The following PEPD variants were observed in gnomAD, a reference collection of about 807,000 sequenced individuals.
The protein encoded by PEPD is peptidase D.
In PEPD, 53 loss-of-function variants were observed where a neutral mutation model predicts 60.7. The ratio of observed to expected loss-of-function variants is 0.87; its 90% confidence interval spans 0.70 to 1.10. PEPD has a LOEUF of 1.10. Ranked by LOEUF, PEPD falls within the 50% of genes least tolerant of loss-of-function variation. PEPD has a pLI of 0.00. For synonymous variants in PEPD, 267 were observed against 284.1 expected (o/e 0.94, Z 0.60); for missense variants, 711 against 711.9 (o/e 1.00, Z 0.01).
intron 9 of PEPD, among the ~76,000 whole-genome samples, chr19:33,442,023 G>GT (rs1176365094): frequency 2.0e-5 from 3 of 152,214 alleles, no homozygotes. Flanking sequence ...AGGGTTCAAA[G>GT]TTGGCCTCCC....
At chr19:33,513,720 A>G (rs1047765101) in intron 1 of PEPD, among the ~76,000 whole-genome samples, 1 of 152,154 alleles carries the variant, frequency 6.6e-6, no homozygotes, top group African/African-American at 2.4e-5. Flanking sequence ...CTCCCCAGCC[A>G]CAAGGGATCC....
chr19:33,389,788 G>A (rs900116197), intron 13 of PEPD, among the ~76,000 whole-genome samples: 1 of 152,268 alleles, frequency 6.6e-6, no homozygotes, highest in Non-Finnish European at 1.5e-5. Flanking sequence ...GATCCCCAGC[G>A]GGCACAGGGC....
chr19:33,437,763 G>C (rs867202319), intron 9 of PEPD, among the ~76,000 whole-genome samples: 2 of 152,204 alleles, frequency 1.3e-5, no homozygotes, highest in Non-Finnish European at 1.5e-5. Context: ...GGAGACTTGG[G>C]GGGGCGGTGG....
chr19:33,443,962 G>A lies in PEPD; in HGVS notation c.671+19033C>T, dbSNP rs147430235. The stretch of plus-strand genomic sequence containing the variant: ...ACCACATGCACTTGCATGCATACAA[G>A]TGCACGCGCGTGCGCGCGCACACAC... On this transcript the variant is annotated intron_variant, in intron 9 of 14. Transcript: ENST00000244137. Among the ~76,000 whole-genome samples the A allele has an allele frequency of 1.1e-4, 17 of 149,180 alleles. No individual in the cohort carries two copies. In the East Asian group the frequency reaches 3.2e-3, roughly 28 times the overall value.
chr19:33,517,872 C>T (rs192739855), intron 1 of PEPD, among the ~76,000 whole-genome samples: 1 of 151,108 alleles, frequency 6.6e-6, no homozygotes, highest in East Asian at 2.0e-4. Flanking sequence ...GAGGCTGAGG[C>T]AGGAGAACCA....
intron 9 of PEPD, among the ~76,000 whole-genome samples, chr19:33,423,637 A>T (rs1969082681): frequency 6.6e-6 from 1 of 152,188 alleles, no homozygotes; most frequent in Non-Finnish European, 1.5e-5. Context: ...TTCCTTTCTG[A>T]ATGGCTTGTT....
intron 7 of PEPD, among the ~76,000 whole-genome samples, chr19:33,476,390 C>G (rs1440061044): frequency 1.3e-5 from 2 of 152,204 alleles, no homozygotes; most frequent in African/African-American, 4.8e-5. Context: ...GCCCCGGTAT[C>G]TGGCCCTCCC....
Position 33,413,595 on chromosome 19 carries a change from G to A in PEPD, c.720C>T (p.Ser240=). 1 of 1,584,020 alleles carries A rather than the reference G, an allele frequency of 6.3e-7. No individual in the cohort carries two copies. Among genetic ancestry groups the A allele is most frequent in the Non-Finnish European group, 8.6e-7 (1 of 1,164,290 alleles). Residue 240 remains serine, a synonymous_variant, in exon 10 of 15, where the codon TCC becomes TCT. Transcript: ENST00000244137. ...CTTACCTGCCGCAGATGCAGGTGTA[G>A]GAGCTGTGGCGCATGCCGCCCCGGG... The part of the protein sequence containing the change: ...CYSRGGMRHS[S]YTCICGSGEN...
intron 3 of PEPD, among the ~76,000 whole-genome samples, chr19:33,502,431 C>T (rs543798675): frequency 3.3e-5 from 5 of 152,254 alleles, no homozygotes; most frequent in South Asian, 4.1e-4. Context: ...CTTTTTCATG[C>T]TGACTTCCTA....
chr19:33,482,459 T>A (rs981817883), intron 6 of PEPD, among the ~76,000 whole-genome samples: 1 of 152,214 alleles, frequency 6.6e-6, no homozygotes, highest in Non-Finnish European at 1.5e-5. Flanking sequence ...ATAAAGAGCA[T>A]CTACAAAAAA....
At chr19:33,477,920 G>A in intron 7 of PEPD, 126 bp downstream of exon 7, 1 of 741,618 alleles carries the variant, frequency 1.3e-6, no homozygotes, top group South Asian at 1.5e-5. Flanking sequence ...AAAGGCTATG[G>A]GAGAAGGTTC....
intron 4 of PEPD, among the ~76,000 whole-genome samples, chr19:33,494,180 C>CT (rs1372200729): frequency 1.3e-5 from 2 of 152,134 alleles, no homozygotes; most frequent in African/African-American, 4.8e-5. Context: ...ATCTTGGCTA[C>CT]TGCAGACCCT....
At chr19:33,402,346 A>C (rs1968516344) in intron 11 of PEPD, among the ~76,000 whole-genome samples, 4 of 152,210 alleles carry the variant, frequency 2.6e-5, no homozygotes, top group Admixed American at 2.6e-4. Flanking sequence ...GCTTGTGGGA[A>C]GCAGAGGAGG....
intron 5 of PEPD, among the ~76,000 whole-genome samples, chr19:33,491,490 G>A (rs1248718803): frequency 6.6e-6 from 1 of 152,176 alleles, no homozygotes; most frequent in Non-Finnish European, 1.5e-5. Context: ...AATAGCACTT[G>A]AACATAAATT....
In PEPD at chr19:33,387,306, G is replaced by A. The variant is rs774402944; in HGVS notation, c.*38C>T. The A allele has an allele frequency of 6.2e-7, 1 of 1,612,056 alleles. No individual in the cohort carries two copies. Among genetic ancestry groups the A allele is most frequent in the East Asian group, 2.2e-5 (1 of 44,852 alleles). On this transcript the variant is annotated 3_prime_UTR_variant, in exon 15 of 15. Transcript: ENST00000244137. ...TGCCCATCACGAAAAGAGGTTGCAA[G>A]GCCAGGCCCCCAGGTGCGCTGGGAT...
chr19:33,415,305 C>T lies in PEPD; in HGVS notation c.672-1662G>A, dbSNP rs139545841. 3.0e-3 allele frequency among the ~76,000 whole-genome samples: 463 copies of T among 152,278 alleles called. 3 individuals are homozygous for T. The highest frequency in any genetic ancestry group is 0.011 in the African/African-American group (447 of 41,552). Reference sequence around the variant, plus strand: ...AACCACGGGCTGCGCTGGGACTGGCCGGCTTCAGAAAAGACAGGCAGAGGG... The same window carrying T: ...AACCACGGGCTGCGCTGGGACTGGCTGGCTTCAGAAAAGACAGGCAGAGGG... On this transcript the variant is annotated intron_variant, in intron 9 of 14. Transcript: ENST00000244137.
chr19:33,440,206 TCTCC>T (rs1969456943), intron 9 of PEPD, among the ~76,000 whole-genome samples: 2 of 152,178 alleles, frequency 1.3e-5, no homozygotes, highest in African/African-American at 2.4e-5. Flanking sequence ...TCTGGACTCT[TCTCC>T]CTGTCTTCCC....
chr19:33,514,589 G>A (rs546817854), intron 1 of PEPD, among the ~76,000 whole-genome samples: 2 of 151,878 alleles, frequency 1.3e-5, no homozygotes, highest in African/African-American at 4.8e-5. Flanking sequence ...CAACCTACCC[G>A]ACCTCCTCAG....
chr19:33,476,637 A>C (rs1970220433), intron 7 of PEPD, among the ~76,000 whole-genome samples: 1 of 152,006 alleles, frequency 6.6e-6, no homozygotes. Flanking sequence ...CTGGGTCTCT[A>C]GTCTGAGGCC....
Sources: gnomAD v4.1 joint callset for allele counts (sites outside exome capture counted in the v4.1 genomes callset) on GRCh38, gnomAD v4.1.1 for gene constraint, MANE v1.5 for transcripts, NCBI Gene and HGNC (gene_info 2026-07-23, HGNC 2026-07-21) for gene names.